The following SLC4A4 variants were observed in gnomAD, a reference collection of about 807,000 sequenced individuals.
SLC4A4 encodes the protein electrogenic sodium bicarbonate cotransporter 1.
SLC4A4 carries 27 observed loss-of-function variants against 111.5 expected under a neutral mutation model. The ratio of observed to expected loss-of-function variants is 0.24; its 90% confidence interval spans 0.18 to 0.33. The LOEUF is 0.33. SLC4A4 is among the 10% of genes least tolerant of loss of function. SLC4A4 has a pLI of 1.00. For synonymous variants in SLC4A4, 443 were observed against 463.4 expected (o/e 0.96, Z 0.57); for missense variants, 909 against 1,315.5 (o/e 0.69, Z 4.78).
At chr4:71,082,310 T>G (rs1027452620) in intron 1 of SLC4A4, among the ~76,000 whole-genome samples, 2 of 150,124 alleles carry the variant, frequency 1.3e-5, no homozygotes, top group Non-Finnish European at 3.0e-5. Context: ...TAGTTCAAGT[T>G]TCAAACACGT....
chr4:71,152,922 G>GGTATATATCACATATATATATCCT (rs1274528236), intron 2 of SLC4A4, among the ~76,000 whole-genome samples: 1 of 149,112 alleles, frequency 6.7e-6, no homozygotes, highest in Non-Finnish European at 1.5e-5. Flanking sequence ...GAAAAGGACT[G>GGTATATATCACATATATATATCCT]GTATATATCA....
chr4:71,424,767 C>T (rs954822286), intron 7 of SLC4A4, among the ~76,000 whole-genome samples: 6 of 151,976 alleles, frequency 3.9e-5, no homozygotes, highest in Non-Finnish European at 7.4e-5. Flanking sequence ...CGCATATTCT[C>T]ACTCATAGGT....
intron 2 of SLC4A4, among the ~76,000 whole-genome samples, chr4:71,116,450 A>G (rs184462445): frequency 1.3e-5 from 2 of 152,346 alleles, no homozygotes; most frequent in East Asian, 3.9e-4. Flanking sequence ...GCACACCTAC[A>G]GCCACACAAT....
chr4:71,353,148 G>A (rs571646286), intron 5 of SLC4A4, among the ~76,000 whole-genome samples: 2 of 152,298 alleles, frequency 1.3e-5, no homozygotes, highest in East Asian at 3.9e-4. Flanking sequence ...CAAGCATTTT[G>A]TGGTTTCTCT....
intron 23 of SLC4A4, among the ~76,000 whole-genome samples, chr4:71,562,137 T>C (rs1737033587): frequency 6.6e-6 from 1 of 151,818 alleles, no homozygotes; most frequent in Non-Finnish European, 1.5e-5. Flanking sequence ...CATGTTCAAC[T>C]CTGTGTTTCC....
chr4:71,512,137 C>A (rs1242139499), intron 16 of SLC4A4, among the ~76,000 whole-genome samples: 2 of 152,022 alleles, frequency 1.3e-5, no homozygotes, highest in African/African-American at 4.8e-5. Context: ...GGGTAGATTC[C>A]CAGTACTGCG....
At chr4:71,404,285 A>G (rs908664985) in intron 7 of SLC4A4, among the ~76,000 whole-genome samples, 1 of 152,178 alleles carries the variant, frequency 6.6e-6, no homozygotes, top group Non-Finnish European at 1.5e-5. Flanking sequence ...GAAGAATGGT[A>G]ACAGGAAACC....
intron 4 of SLC4A4, among the ~76,000 whole-genome samples, chr4:71,348,451 C>G (rs1001616862): frequency 6.6e-6 from 1 of 151,990 alleles, no homozygotes; most frequent in Admixed American, 6.6e-5. Context: ...TTGGTGCTAT[C>G]GTTGACTTTT....
chr4:71,476,202 T>C (rs968211197), intron 14 of SLC4A4, among the ~76,000 whole-genome samples: 2 of 151,832 alleles, frequency 1.3e-5, no homozygotes, highest in African/African-American at 4.8e-5. Context: ...TTTGACAATG[T>C]TAATACTTCT....
chr4:71,099,093 A>T (rs1236324713), intron 2 of SLC4A4, among the ~76,000 whole-genome samples: 2 of 152,138 alleles, frequency 1.3e-5, no homozygotes, highest in African/African-American at 2.4e-5. Flanking sequence ...TGAACTCAAC[A>T]TTGGACCAAA....
At chr4:71,173,784 T>C (rs1469576145) in intron 2 of SLC4A4, among the ~76,000 whole-genome samples, 1 of 152,196 alleles carries the variant, frequency 6.6e-6, no homozygotes, top group Admixed American at 6.5e-5. Context: ...CTGAAACAGT[T>C]GACCATGTAT....
intron 6 of SLC4A4, among the ~76,000 whole-genome samples, chr4:71,387,282 C>T (rs1240956780): frequency 1.3e-5 from 2 of 152,146 alleles, no homozygotes. Context: ...ACTATTCTAT[C>T]TGCTCTTCTT....
intron 1 of SLC4A4, among the ~76,000 whole-genome samples, chr4:71,225,293 G>C (rs924935293): frequency 2.0e-5 from 3 of 151,748 alleles, no homozygotes; most frequent in Non-Finnish European, 1.5e-5. Flanking sequence ...TGGAGGTTGC[G>C]GTGAGCTGAG....
rs546584098 is a variant in SLC4A4 at position 71,219,072 on chromosome 4, A to G, written c.-1-17504A>G. ...CTCACTTTTCTGCAGAAACATCACA[A>G]GAGCCTCTAAGTGTTCAAGTGAAAG... On this transcript the variant is annotated intron_variant, in intron 1 of 25. Coordinates refer to ENST00000264485, the MANE Select transcript of SLC4A4 (RefSeq NM_001098484.3). 4.6e-5 allele frequency among the ~76,000 whole-genome samples: 7 copies of G among 152,290 alleles called. No individual in the cohort carries two copies. In the East Asian group the frequency reaches 1.4e-3, roughly 29 times the overall value.
chr4:71,478,995 A>G (rs1011210931), intron 14 of SLC4A4, among the ~76,000 whole-genome samples: 1 of 151,766 alleles, frequency 6.6e-6, no homozygotes, highest in Non-Finnish European at 1.5e-5. Flanking sequence ...AAAAGGGTCA[A>G]AGAAAATTTT....
intron 1 of SLC4A4, among the ~76,000 whole-genome samples, chr4:71,062,942 A>G (rs1741427306): frequency 6.6e-6 from 1 of 152,232 alleles, no homozygotes. Context: ...AAGAAATACT[A>G]ATCTAGAAAA....
intron 1 of SLC4A4, among the ~76,000 whole-genome samples, chr4:71,223,523 T>C (rs146881430): frequency 6.6e-6 from 1 of 152,174 alleles, no homozygotes; most frequent in East Asian, 1.9e-4. Flanking sequence ...TTGAGTGGAA[T>C]GGGATTTAAA....
chr4:71,342,921 G>C (rs534071416), intron 4 of SLC4A4, among the ~76,000 whole-genome samples: 1 of 152,290 alleles, frequency 6.6e-6, no homozygotes, highest in South Asian at 2.1e-4. Flanking sequence ...TGCTGGAGAG[G>C]AAGAGTGTTG....
At chr4:71,206,787 A>G (rs184093560) in intron 1 of SLC4A4, among the ~76,000 whole-genome samples, 6 of 151,732 alleles carry the variant, frequency 4.0e-5, no homozygotes, top group African/African-American at 1.4e-4. Context: ...GATGAAATTC[A>G]CATTCATTTT....
Sources: allele counts gnomAD v4.1 joint callset (sites outside exome capture counted in the v4.1 genomes callset), GRCh38; gene constraint gnomAD v4.1.1; transcripts MANE v1.5; gene names NCBI Gene and HGNC (gene_info 2026-07-23, HGNC 2026-07-21).